ADAMTS20: variants seen among roughly 807,000 people sequenced by gnomAD.
ADAMTS20 encodes ADAM metallopeptidase with thrombospondin type 1 motif 20.
In ADAMTS20, 225 loss-of-function variants were observed where a neutral mutation model predicts 260.1. The observed-to-expected ratio is 0.87, with a 90% CI of 0.78 to 0.97. The LOEUF (loss-of-function observed/expected upper bound fraction) is 0.97, where lower values mean the gene tolerates loss of function less well. ADAMTS20 is among the 50% of genes least tolerant of loss of function. ADAMTS20 has a pLI of 0.00. For missense variants in ADAMTS20, 2,400 were observed against 2,337.7 expected, an observed-to-expected ratio of 1.03 and a Z score of -0.55; for synonymous variants, 802 against 769.5, an observed-to-expected ratio of 1.04 and a Z score of -0.70.
chr12:43,396,298 C>T (rs977049649), intron 29 of ADAMTS20, among the ~76,000 whole-genome samples: 1 of 152,006 alleles, frequency 6.6e-6, no homozygotes, highest in African/African-American at 2.4e-5. Flanking sequence ...TGAGTCTTTC[C>T]ATTTGAGGCA....
At position 43,551,338 on chromosome 12, in the gene ADAMTS20, C is replaced by G; in HGVS notation, c.92-68G>C. On this transcript the variant is annotated intron_variant, in intron 1 of 38. Coordinates refer to ENST00000389420, the MANE Select transcript of ADAMTS20 (RefSeq NM_025003.5). The surrounding 1 kb of genome is among the most constrained non-coding windows in gnomAD (Gnocchi z 4.6). ...TCATTGTCCAACTCTAAACTTCTTCCACCAAACGTCCCCGCTAAAGGTCCC... is the reference window on the plus strand; with the variant it reads ...TCATTGTCCAACTCTAAACTTCTTCGACCAAACGTCCCCGCTAAAGGTCCC... 1.3e-6 allele frequency: 2 copies of G among 1,540,680 alleles called. No individual in the cohort carries two copies. Among genetic ancestry groups the G allele is most frequent in the Non-Finnish European group, 1.7e-6 (2 of 1,144,074 alleles).
At chr12:43,409,618 A>AAAAAAAAC (rs1565684952) in intron 28 of ADAMTS20, among the ~76,000 whole-genome samples, 1 of 147,458 alleles carries the variant, frequency 6.8e-6, no homozygotes, top group African/African-American at 2.5e-5. Context: ...AAAAAAAAAA[A>AAAAAAAAC]AAAAAAAAAA....
chr12:43,436,720 G>C (rs565345652), intron 18 of ADAMTS20, among the ~76,000 whole-genome samples: 1 of 152,218 alleles, frequency 6.6e-6, no homozygotes, highest in East Asian at 1.9e-4. Flanking sequence ...CTGAAACAAG[G>C]TGGCTAAATA....
chr12:43,395,813 T>G lies in ADAMTS20; in HGVS notation c.4452+3253A>C, dbSNP rs144827789. ...TTCACCAAGGTAATTAAGAATGCAC[T>G]GGTGAGGGGACACAGGCTGTCCAGC... On this transcript the variant is annotated intron_variant, in intron 29 of 38. Coordinates refer to ENST00000389420, the MANE Select transcript of ADAMTS20 (RefSeq NM_025003.5). Among the ~76,000 whole-genome samples the G allele has an allele frequency of 4.9e-3, 746 of 151,516 alleles. 9 individuals are homozygous for G. Among genetic ancestry groups the G allele is most frequent in the African/African-American group, 0.016 (676 of 41,308 alleles).
intron 3 of ADAMTS20, among the ~76,000 whole-genome samples, chr12:43,510,370 T>G (rs1365379984): frequency 1.3e-5 from 2 of 152,070 alleles, no homozygotes; most frequent in African/African-American, 4.8e-5. Flanking sequence ...ATTTTATTAC[T>G]GTAATTTTAA....
At chr12:43,433,735 C>T (rs569172061) in intron 19 of ADAMTS20, 3 of 433,226 alleles carry the variant, frequency 6.9e-6, no homozygotes, top group Admixed American at 5.0e-5. Context: ...CACACACACA[C>T]ACACACAAAC....
At chr12:43,458,973 C>T (rs776227007) in intron 11 of ADAMTS20, among the ~76,000 whole-genome samples, 1 of 152,132 alleles carries the variant, frequency 6.6e-6, no homozygotes, top group Non-Finnish European at 1.5e-5. Context: ...AAAGAAATAG[C>T]CAATCATCTA....
At position 43,427,347 on chromosome 12, in the gene ADAMTS20, T is replaced by C. The variant is rs755181218; in HGVS notation, c.4068A>G (p.Pro1356=). 9.9e-6 allele frequency: 16 copies of C among 1,613,982 alleles called. No individual in the cohort carries two copies. The highest frequency in any genetic ancestry group is 1.4e-5 in the Non-Finnish European group (16 of 1,179,882). Residue 1356 remains proline (P), a synonymous_variant, in exon 27 of 39, where the codon CCA becomes CCG. Transcript: ENST00000389420. The part of the protein sequence containing the change: ...SKPPELQQCG[P]GPCPQWNYGN... ...CGTAGTTCCACTGTGGACAAGGCCC[T>C]GGACCACATTGCTGTAACTCTGGAG...
At chr12:43,509,608 T>C (rs1942894543) in intron 3 of ADAMTS20, among the ~76,000 whole-genome samples, 1 of 152,092 alleles carries the variant, frequency 6.6e-6, no homozygotes, top group South Asian at 2.1e-4. Context: ...ATGGGTATAA[T>C]AACATCACGT....
At chr12:43,380,113 C>A (rs1940318225) in intron 31 of ADAMTS20, among the ~76,000 whole-genome samples, 1 of 152,050 alleles carries the variant, frequency 6.6e-6, no homozygotes, top group South Asian at 2.1e-4. Context: ...AAGATTTATC[C>A]CAGGAATGCA....
chr12:43,408,676 T>C (rs1285899044), intron 28 of ADAMTS20, among the ~76,000 whole-genome samples: 1 of 152,206 alleles, frequency 6.6e-6, no homozygotes, highest in African/African-American at 2.4e-5. Context: ...GTTTTCCATA[T>C]GTAAAAAAAG....
intron 7 of ADAMTS20, among the ~76,000 whole-genome samples, chr12:43,481,433 C>T (rs372750911): frequency 2.0e-5 from 3 of 152,244 alleles, no homozygotes; most frequent in South Asian, 4.1e-4. Context: ...TAAAGTATTC[C>T]TTTTAAAATC....
At chr12:43,521,817 C>G (rs563810222) in intron 3 of ADAMTS20, among the ~76,000 whole-genome samples, 15 of 152,222 alleles carry the variant, frequency 9.9e-5, no homozygotes, top group African/African-American at 3.6e-4. Context: ...CACACCCGCA[C>G]CTTACTCTCC....
chr12:43,518,219 T>G (rs944308760), intron 3 of ADAMTS20, among the ~76,000 whole-genome samples: 48 of 152,132 alleles, frequency 3.2e-4, no homozygotes, highest in Non-Finnish European at 6.3e-4. Flanking sequence ...TACCTAAGTT[T>G]TATAAGTTTT....
At chr12:43,403,418 T>C (rs1940851067) in intron 28 of ADAMTS20, among the ~76,000 whole-genome samples, 1 of 152,066 alleles carries the variant, frequency 6.6e-6, no homozygotes, top group African/African-American at 2.4e-5. Flanking sequence ...AACTATTATA[T>C]TGATCTGGCA....
intron 15 of ADAMTS20, 43 bp from the exon 16 acceptor site, chr12:43,443,926 A>G (rs1404048157): frequency 2.0e-6 from 3 of 1,532,382 alleles, no homozygotes; most frequent in Middle Eastern, 1.7e-4. Flanking sequence ...CAAAAAGCAG[A>G]TGGCCCAGAG....
chr12:43,428,567 T>A, intron 25 of ADAMTS20, 36 bp from the exon 26 acceptor site: 1 of 1,515,464 alleles, frequency 6.6e-7, no homozygotes, highest in Non-Finnish European at 8.8e-7. Context: ...ATATACAACA[T>A]TAATTTATAT....
At chr12:43,522,329 C>A (rs1254457442) in intron 3 of ADAMTS20, among the ~76,000 whole-genome samples, 1 of 152,192 alleles carries the variant, frequency 6.6e-6, no homozygotes, top group Non-Finnish European at 1.5e-5. Flanking sequence ...CAATTACCCC[C>A]ACCTGGTCCC....
intron 22 of ADAMTS20, 60 bp from the exon 23 acceptor site, chr12:43,430,531 AT>A: frequency 6.8e-7 from 1 of 1,475,408 alleles, no homozygotes; most frequent in Admixed American, 1.9e-5. Flanking sequence ...ACAAACTTCT[AT>A]TTTCTTAATG....
Sources: gnomAD v4.1 joint callset for allele counts (sites outside exome capture counted in the v4.1 genomes callset) on GRCh38, gnomAD v4.1.1 for gene constraint, Gnocchi (gnomAD v3.1) non-coding constraint, MANE v1.5 for transcripts, NCBI Gene and HGNC (gene_info 2026-07-23, HGNC 2026-07-21) for gene names.